Variants in CLUH observed in about 807,000 individuals in gnomAD.
The protein encoded by CLUH is clustered mitochondria protein homolog.
A neutral mutation model predicts 139.3 loss-of-function variants in CLUH; 77 were observed. The observed-to-expected ratio is 0.55, with a 90% CI of 0.46 to 0.67. CLUH has a LOEUF of 0.67. Among genes scored for constraint, CLUH ranks in the 30% least tolerant of loss-of-function variants. CLUH has a pLI of 0.00. For synonymous variants in CLUH, 999 were observed against 801.6 expected (o/e 1.25, Z -4.16); for missense variants, 1,876 against 1,875.8 (o/e 1.00, Z 0.00).
At chr17:2,695,189 T>C (rs759949300) in intron 15 of CLUH, 29 bp downstream of exon 15, 5 of 1,613,818 alleles carry the variant, frequency 3.1e-6, no homozygotes, top group Non-Finnish European at 4.2e-6. Flanking sequence ...TGGGAGGCCA[T>C]GGCCAGCCGC....
In CLUH at chr17:2,692,020, G is replaced by A; in HGVS notation, c.3638C>T (p.Thr1213Ile). The change falls in exon 23 of 26, where the codon ACC (threonine) becomes ATC (isoleucine). Residue 1213 changes from threonine (T) to isoleucine (I), a missense_variant. By Grantham distance (89) the Thr-to-Ile change is moderately conservative (BLOSUM62 -1). Coordinates refer to ENST00000651024, the MANE Select transcript of CLUH (RefSeq NM_001366661.1). Reference sequence around the variant, plus strand: ...GCCGCGCACCTGCGTCTTGTAGATGGTGTAACCCTCCTTCTCGTGCTGCAG... The same window carrying A: ...GCCGCGCACCTGCGTCTTGTAGATGATGTAACCCTCCTTCTCGTGCTGCAG... ...SALQHEKEGY[T>I]IYKTQLGEDH... 6.4e-7 allele frequency: 1 copy of A among 1,574,688 alleles called. No individual in the cohort carries two copies. Among genetic ancestry groups the A allele is most frequent in the Non-Finnish European group, 8.6e-7 (1 of 1,159,764 alleles).
intron 1 of CLUH, among the ~76,000 whole-genome samples, chr17:2,709,722 GCTGGAT>G (rs1256930544): frequency 2.0e-5 from 3 of 152,212 alleles, no homozygotes; most frequent in Non-Finnish European, 4.4e-5. Context: ...GCCTTCCAGA[GCTGGAT>G]CTCAGAGGTC....
At position 2,693,758 on chromosome 17, in the gene CLUH, G is replaced by A. The variant is rs1289667428; in HGVS notation, c.3231+142C>T. The A allele has an allele frequency of 2.8e-6, 3 of 1,066,680 alleles. No homozygotes were observed. In the African/African-American group the frequency reaches 4.8e-5, roughly 17 times the overall value. 66.1% of individuals were successfully genotyped at this position (1,066,680 alleles called of 1,614,324 possible). ...TCCCGCTCGGGACACAGTTACAGAG[G>A]GGTGGAGCCAGGGGTGGCCTGGGCA... On this transcript the variant is annotated intron_variant, in intron 19 of 25. Coordinates refer to ENST00000651024, the MANE Select transcript of CLUH (RefSeq NM_001366661.1).
intron 7 of CLUH, 96 bp downstream of exon 7, chr17:2,701,044 G>C: frequency 6.3e-7 from 1 of 1,584,994 alleles, no homozygotes. Context: ...GGCCCAGGGC[G>C]GTTTCTTCAG....
rs758138505 is a variant in CLUH at position 2,690,774 on chromosome 17, T to C, written c.3867A>G (p.Gln1289=). ...INGILFIPLS[Q]KDLENLKAEV... is the part of the protein sequence containing the mutation. ...CGGCTTTCAGATTCTCCAGGTCTTT[T>C]TGGCTGAGGATAAGGGTGGGGATGG... The change falls in exon 26 of 26, where the codon CAA becomes CAG. Residue 1289 remains glutamine (Q), a synonymous_variant. Transcript: ENST00000651024. The C allele has an allele frequency of 2.0e-6, 3 of 1,507,418 alleles. No homozygotes were observed. The highest frequency in any genetic ancestry group is 2.5e-5 in the East Asian group (1 of 40,462). 93.4% of individuals were successfully genotyped at this position (1,507,418 alleles called of 1,614,324 possible).
intron 1 of CLUH, among the ~76,000 whole-genome samples, chr17:2,708,742 G>A (rs949106925): frequency 6.6e-6 from 1 of 151,288 alleles, no homozygotes; most frequent in Non-Finnish European, 1.5e-5. Context: ...CGCTCCCATG[G>A]ACCCGCTCCC....
chr17:2,696,985 G>C (rs780584964), intron 10 of CLUH, 43 bp from the exon 11 acceptor site: 9 of 1,439,588 alleles, frequency 6.3e-6, no homozygotes, highest in Non-Finnish European at 8.4e-6. Context: ...TGGACATCGG[G>C]GAGAGGAGCT....
chr17:2,691,926 C>CCGTGCCCCCGCGG (rs1162893661), intron 23 of CLUH, 31 bp from the exon 24 acceptor site: 1 of 1,156,474 alleles, frequency 8.6e-7, no homozygotes, highest in Non-Finnish European at 1.1e-6. Flanking sequence ...ATCAGGCCCC[C>CCGTGCCCCCGCGG]CCGTGCCCCC....
chr17:2,704,568 C>A lies in CLUH; in HGVS notation c.101-4G>T. The A allele has an allele frequency of 1.9e-6, 3 of 1,550,724 alleles. No homozygotes were observed. The highest frequency in any genetic ancestry group is 1.7e-6 in the Non-Finnish European group (2 of 1,148,162). On this transcript the variant is annotated splice_polypyrimidine_tract_variant and splice_region_variant and intron_variant, in intron 1 of 25. Transcript: ENST00000651024. The surrounding 1 kb of genome is among the most constrained non-coding windows in gnomAD (Gnocchi z 5.7). ...AAGAGCATGACTGATGGCAGCTCTG[C>A]GGGTGACAAGAACGGGTCAGAATCA... is the stretch of plus-strand genomic sequence containing the variant.
rs1272253148 is a variant in CLUH at position 2,692,658 on chromosome 17, C to T, written c.3351G>A (p.Leu1117=). Residue 1117 remains leucine (L), a synonymous_variant, in exon 21 of 26, where the codon CTG becomes CTA. Coordinates refer to ENST00000651024, the MANE Select transcript of CLUH (RefSeq NM_001366661.1). Reference sequence around the variant, plus strand: ...GGTACAGCAGGCTCAGGGCGGTGGACAGCTGGCTGCTGGCGAAGCAGTACA... The same window carrying T: ...GGTACAGCAGGCTCAGGGCGGTGGATAGCTGGCTGCTGGCGAAGCAGTACA... ...LALYCFASSQ[L]STALSLLYRA... 1 of 1,612,562 alleles carries T rather than the reference C, an allele frequency of 6.2e-7. No homozygotes were observed. The highest frequency in any genetic ancestry group is 8.5e-7 in the Non-Finnish European group (1 of 1,179,386).
intron 1 of CLUH, 106 bp downstream of exon 1, chr17:2,711,456 C>G (rs139556956): frequency 4.1e-6 from 1 of 242,076 alleles, no homozygotes; most frequent in Non-Finnish European, 6.6e-6. Context: ...GAGATACAAC[C>G]GGGCCCGACG....
At position 2,711,752 on chromosome 17, in the gene CLUH, G is replaced by C; in HGVS notation, c.-91C>G. ...CTGCGCGCCGCGGCTGCTGAGGGAA[G>C]GACGGAGTCACCGGCCCACGTGGTG... On this transcript the variant is annotated 5_prime_UTR_variant, in exon 1 of 26. Coordinates refer to ENST00000651024, the MANE Select transcript of CLUH (RefSeq NM_001366661.1). 4.2e-6 allele frequency: 2 copies of C among 477,450 alleles called. No homozygotes were observed. Among genetic ancestry groups the C allele is most frequent in the Non-Finnish European group, 5.5e-6 (2 of 365,946 alleles). 29.6% of individuals were successfully genotyped at this position (477,450 alleles called of 1,614,324 possible). A position where few individuals can be genotyped will look rare whatever the true frequency, so the allele number is the denominator to read the frequency against.
intron 19 of CLUH, among the ~76,000 whole-genome samples, chr17:2,693,141 C>CCAAAAAAAA (rs1555529824): frequency 1.4e-5 from 1 of 73,784 alleles, no homozygotes; most frequent in African/African-American, 6.0e-5. Context: ...AAAAATGTTA[C>CCAAAAAAAA]AAAAAAAAAA....
intron 22 of CLUH, 107 bp downstream of exon 22, chr17:2,692,254 A>T (rs2069721525): frequency 1.4e-6 from 2 of 1,449,812 alleles, no homozygotes; most frequent in Non-Finnish European, 1.8e-6. Flanking sequence ...GGTCGAGAGA[A>T]ATTTTCTCGG....
rs754416489 is a variant in CLUH at position 2,698,441 on chromosome 17, G to C, written c.1416C>G (p.Asp472Glu). The C allele has an allele frequency of 1.2e-6, 2 of 1,613,368 alleles. No homozygotes were observed. The highest frequency in any genetic ancestry group is 1.7e-6 in the Non-Finnish European group (2 of 1,179,846). ...CGTCCCCCCCGAAGTCCTTGTAGTG[G>C]TCTCGGACGTCGAAGCCCAGGCTGA... ...IFFSLGFDVRDHYKDFGGDVA... is the reference protein window; with the variant it reads ...IFFSLGFDVREHYKDFGGDVA... The change falls in exon 10 of 26, where the codon GAC becomes GAG. Residue 472 changes from aspartate to glutamate, a missense_variant. Asp to Glu is a conservative substitution (Grantham distance 45). Coordinates refer to ENST00000651024, the MANE Select transcript of CLUH (RefSeq NM_001366661.1).
intron 1 of CLUH, among the ~76,000 whole-genome samples, chr17:2,708,446 C>G (rs1183083375): frequency 6.6e-6 from 1 of 152,200 alleles, no homozygotes; most frequent in East Asian, 1.9e-4. Flanking sequence ...CCAGGACTCA[C>G]GCTAGGCCCA....
rs369686693 is a variant in CLUH at position 2,696,480 on chromosome 17, G to A, written c.2244C>T (p.Ser748=). The A allele has an allele frequency of 5.0e-6, 8 of 1,594,792 alleles. No individual in the cohort carries two copies. The highest frequency in any genetic ancestry group is 1.3e-5 in the African/African-American group (1 of 74,536). The stretch of plus-strand genomic sequence containing the variant: ...TGAAGCGAATGTCGAAGGCGGTGCT[G>A]CTGATGGAGCCGACCGCCTTGCACG... The part of the protein sequence containing the change: ...RNACKAVGSI[S]STAFDIRFNP... Residue 748 remains serine, a synonymous_variant, in exon 12 of 26, where the codon AGC becomes AGT. Transcript: ENST00000651024.
At chr17:2,710,249 C>A (rs1480870519) in intron 1 of CLUH, among the ~76,000 whole-genome samples, 1 of 152,248 alleles carries the variant, frequency 6.6e-6, no homozygotes, top group Non-Finnish European at 1.5e-5. Context: ...AGCCTGCCCC[C>A]ACTGATTCAG....
In CLUH at chr17:2,698,328, G is replaced by C; in HGVS notation, c.1529C>G (p.Thr510Arg). ...VDVEGLYTLG[T>R]VVVDYRGYRV... ...GTAGCCGCGGTAATCCACCACCACCGTGCCCAGCGTGTACAGCCCCTCCAC... is the reference window on the plus strand; with the variant it reads ...GTAGCCGCGGTAATCCACCACCACCCTGCCCAGCGTGTACAGCCCCTCCAC... Residue 510 changes from threonine (T) to arginine (R), a missense_variant, in exon 10 of 26, where the codon ACG (threonine) becomes AGG (arginine). Coordinates refer to ENST00000651024, the MANE Select transcript of CLUH (RefSeq NM_001366661.1). 1 of 1,613,050 alleles carries C rather than the reference G, an allele frequency of 6.2e-7. No individual in the cohort carries two copies. Among genetic ancestry groups the C allele is most frequent in the Non-Finnish European group, 8.5e-7 (1 of 1,179,738 alleles).
Sources: gnomAD v4.1 joint callset for allele counts (sites outside exome capture counted in the v4.1 genomes callset) on GRCh38, gnomAD v4.1.1 for gene constraint, Gnocchi (gnomAD v3.1) non-coding constraint, MANE v1.5 for transcripts, NCBI Gene and HGNC (gene_info 2026-07-23, HGNC 2026-07-21) for gene names.